The following AGAP1 variants were observed in gnomAD, a reference collection of about 807,000 sequenced individuals.
AGAP1 encodes the protein arf-GAP with GTPase, ANK repeat and PH domain-containing protein 1.
A neutral mutation model predicts 105.3 loss-of-function variants in AGAP1; 29 were observed. The observed-to-expected ratio is 0.28, with a 90% CI of 0.21 to 0.38. AGAP1 has a LOEUF of 0.38. Among genes scored for constraint, AGAP1 ranks in the 10% least tolerant of loss-of-function variants. The probability of loss-of-function intolerance (pLI) is 1.00; values close to 1 mark genes in which losing one functional copy is unlikely to be tolerated. For synonymous variants in AGAP1, 509 were observed against 485.9 expected (o/e 1.05, Z -0.63); for missense variants, 998 against 1,165.1 (o/e 0.86, Z 2.09).
At chr2:235,710,016 T>C (rs559782490) in intron 2 of AGAP1, among the ~76,000 whole-genome samples, 1 of 152,240 alleles carries the variant, frequency 6.6e-6, no homozygotes, top group Non-Finnish European at 1.5e-5. Context: ...TGTATGTATG[T>C]ATATATGTCT....
chr2:235,626,169 G>A (rs550030040), intron 1 of AGAP1, among the ~76,000 whole-genome samples: 5 of 149,742 alleles, frequency 3.3e-5, no homozygotes, highest in Admixed American at 6.7e-5. Context: ...CCAACATGAC[G>A]AAACCCCATC....
At position 235,787,640 on chromosome 2, in the gene AGAP1, A is replaced by G. The variant is rs191597986; in HGVS notation, c.674-10119A>G. Among the ~76,000 whole-genome samples the G allele has an allele frequency of 1.3e-5, 2 of 152,312 alleles. No homozygotes were observed. Among genetic ancestry groups the G allele is most frequent in the Non-Finnish European group, 2.9e-5 (2 of 68,040 alleles). ...CCTGGCATATACTAGTTGCTCAATA[A>G]AAACAGTCAGTAAATGGGATGAGTG... is the stretch of plus-strand genomic sequence containing the variant. On this transcript the variant is annotated intron_variant, in intron 6 of 17. Coordinates refer to ENST00000304032, the MANE Select transcript of AGAP1 (RefSeq NM_001037131.3). The surrounding 1 kb of genome is among the most constrained non-coding windows in gnomAD (Gnocchi z 4.4).
intron 1 of AGAP1, among the ~76,000 whole-genome samples, chr2:235,571,993 CACACACACACT>C (rs1191259235): frequency 8.9e-4 from 108 of 121,308 alleles, no homozygotes; most frequent in African/African-American, 3.4e-3. Flanking sequence ...CACACACACA[CACACACACACT>C]TTTTTTTTTT....
intron 6 of AGAP1, among the ~76,000 whole-genome samples, chr2:235,786,213 T>A (rs190970081): frequency 2.2e-4 from 33 of 152,368 alleles, no homozygotes; most frequent in African/African-American, 7.0e-4. Flanking sequence ...AGACGCTGAT[T>A]TGCATCCAGC....
intron 9 of AGAP1, among the ~76,000 whole-genome samples, chr2:235,850,603 T>C (rs1362450659): frequency 6.6e-6 from 1 of 152,268 alleles, no homozygotes; most frequent in Non-Finnish European, 1.5e-5. Flanking sequence ...TTCCTAAGGC[T>C]GCTGGCAGGT....
chr2:235,828,579 T>C (rs1959172597), intron 9 of AGAP1, among the ~76,000 whole-genome samples: 1 of 152,162 alleles, frequency 6.6e-6, no homozygotes, highest in African/African-American at 2.4e-5. Context: ...GTGTATGTCT[T>C]AATTGATAAA....
chr2:235,635,975 TG>T lies in AGAP1; in HGVS notation c.164-73199del. ...TAAAACTACAAAAATGAGCTGGGCA[TG>T]GGGGTGCATGCCTGTAATCCCAGCT... On this transcript the variant is annotated intron_variant, in intron 1 of 17. Transcript: ENST00000304032. The surrounding 1 kb of genome is among the most constrained non-coding windows in gnomAD (Gnocchi z 5.3). Among the ~76,000 whole-genome samples, 1 of 151,744 alleles carries T rather than the reference TG, an allele frequency of 6.6e-6. No individual in the cohort carries two copies. The highest frequency in any genetic ancestry group is 2.1e-4 in the South Asian group (1 of 4,772).
chr2:235,761,581 G>A (rs1355311128), intron 6 of AGAP1, among the ~76,000 whole-genome samples: 2 of 152,054 alleles, frequency 1.3e-5, no homozygotes, highest in Non-Finnish European at 2.9e-5. Context: ...GCATACAAAT[G>A]GCTTTTATTT....
chr2:235,758,808 G>A (rs1350411755), intron 6 of AGAP1, among the ~76,000 whole-genome samples: 1 of 152,076 alleles, frequency 6.6e-6, no homozygotes, highest in African/African-American at 2.4e-5. Flanking sequence ...TTTTTGTTTT[G>A]TTTTGAGACA....
At chr2:235,661,070 A>G (rs2149339105) in intron 1 of AGAP1, among the ~76,000 whole-genome samples, 1 of 152,212 alleles carries the variant, frequency 6.6e-6, no homozygotes, top group African/African-American at 2.4e-5. Context: ...TGATTGCAGG[A>G]GTAAGGATGG....
At chr2:235,590,665 A>ATGTGTGTGTGT (rs1945295872) in intron 1 of AGAP1, among the ~76,000 whole-genome samples, 1 of 127,438 alleles carries the variant, frequency 7.8e-6, no homozygotes, top group Non-Finnish European at 1.6e-5. Flanking sequence ...TTTTGTTTTA[A>ATGTGTGTGTGT]TGTGTGTGTG....
At chr2:236,075,987 C>T (rs576437256) in intron 16 of AGAP1, among the ~76,000 whole-genome samples, 9 of 152,300 alleles carry the variant, frequency 5.9e-5, no homozygotes, top group Admixed American at 3.3e-4. Flanking sequence ...GTCACCCAGG[C>T]GGAGGCGGTG....
chr2:235,763,999 A>ACCCG (rs1954691607), intron 6 of AGAP1, among the ~76,000 whole-genome samples: 1 of 152,076 alleles, frequency 6.6e-6, no homozygotes, highest in African/African-American at 2.4e-5. Context: ...TGTGGCTGTG[A>ACCCG]TCCGTGCGTG....
rs559885755 is a variant in AGAP1, at chr2:235,638,798, C to T, written c.164-70381C>T. ...GCCAGGAAGCTGGTTACAACCCAGG[C>T]GGAGGGCTGGCGTGGGCCTCAGGGG... On this transcript the variant is annotated intron_variant, in intron 1 of 17. Transcript: ENST00000304032. Among the ~76,000 whole-genome samples, 380 of 152,266 alleles carry T rather than the reference C, an allele frequency of 2.5e-3. 4 individuals are homozygous for T. Among genetic ancestry groups the T allele is most frequent in the African/African-American group, 8.6e-3 (356 of 41,560 alleles).
intron 2 of AGAP1, among the ~76,000 whole-genome samples, chr2:235,713,482 T>C (rs1222635311): frequency 1.3e-5 from 2 of 152,248 alleles, no homozygotes; most frequent in African/African-American, 4.8e-5. Context: ...ACTCGGCCCG[T>C]GCTCTTGAGC....
At chr2:235,978,833 C>A (rs1018773985) in intron 13 of AGAP1, among the ~76,000 whole-genome samples, 5 of 152,088 alleles carry the variant, frequency 3.3e-5, no homozygotes, top group Non-Finnish European at 5.9e-5. Context: ...CATTCCTTTG[C>A]TGGTTTTCTC....
rs1027028359 is a variant in AGAP1, at chr2:235,663,008, C to T, written c.164-46171C>T. Among the ~76,000 whole-genome samples, 2 of 152,120 alleles carry T rather than the reference C, an allele frequency of 1.3e-5. No homozygotes were observed. Among genetic ancestry groups the T allele is most frequent in the African/African-American group, 4.8e-5 (2 of 41,408 alleles). On this transcript the variant is annotated intron_variant, in intron 1 of 17. Transcript: ENST00000304032. This position sits in a 1 kb window ranked among gnomAD's most constrained non-coding sequence, Gnocchi z 5.4. ...GTTTTCCTTCAAGCCTGGGGAACAC[C>T]GAGCTAGGGACACGCTGGCTAATAG...
At chr2:235,533,655 T>C (rs1435540820) in intron 1 of AGAP1, among the ~76,000 whole-genome samples, 1 of 152,252 alleles carries the variant, frequency 6.6e-6, no homozygotes, top group Non-Finnish European at 1.5e-5. Context: ...TGTTCTTTCA[T>C]GTTTTCCTCT....
chr2:235,731,100 G>T (rs554364367), intron 3 of AGAP1, among the ~76,000 whole-genome samples: 21 of 152,302 alleles, frequency 1.4e-4, no homozygotes, highest in African/African-American at 5.1e-4. Flanking sequence ...TCAAGGCTGT[G>T]TCTGACATGT....
Sources: gnomAD v4.1 joint callset for allele counts (sites outside exome capture counted in the v4.1 genomes callset) on GRCh38, gnomAD v4.1.1 for gene constraint, Gnocchi (gnomAD v3.1) non-coding constraint, MANE v1.5 for transcripts, NCBI Gene and HGNC (gene_info 2026-07-23, HGNC 2026-07-21) for gene names.